Variants in TEKT5 observed in about 807,000 individuals in gnomAD.
TEKT5 encodes tektin 5, also known as tektin-5.
TEKT5 carries 52 observed loss-of-function variants against 48.7 expected under a neutral mutation model. That is an observed-to-expected ratio of 1.07 (90% CI 0.86 to 1.35). The LOEUF is 1.35. Among genes scored for constraint, TEKT5 ranks in the 40% most tolerant of loss-of-function variants. The pLI, the probability that TEKT5 is intolerant of heterozygous loss-of-function variation, is 0.00. For missense variants in TEKT5, 831 were observed against 641.6 expected (o/e 1.30, Z -3.19); for synonymous variants, 318 against 267.6 (o/e 1.19, Z -1.84).
chr16:10,639,976 T>G (rs980549625), intron 5 of TEKT5, among the ~76,000 whole-genome samples: 4 of 149,728 alleles, frequency 2.7e-5, no homozygotes, highest in Non-Finnish European at 5.9e-5. Context: ...TATGCATGCT[T>G]CTTCTTTCTT....
intron 5 of TEKT5, among the ~76,000 whole-genome samples, chr16:10,647,312 T>TAA (rs2072009451): frequency 6.7e-6 from 1 of 149,888 alleles, no homozygotes; most frequent in African/African-American, 2.5e-5. Flanking sequence ...TACAAAAAAT[T>TAA]TAAAAAAAAA....
At chr16:10,631,363 G>C (rs900264140) in intron 6 of TEKT5, among the ~76,000 whole-genome samples, 2 of 138,638 alleles carry the variant, frequency 1.4e-5, no homozygotes, top group African/African-American at 5.2e-5. Flanking sequence ...GGGGGCGGGG[G>C]AGGGTTGAAA....
chr16:10,639,885 T>C lies in TEKT5; in HGVS notation c.1087-3967A>G, dbSNP rs114906616. ...TGTCCCCTCTGCATCTGCATCCTAG[T>C]GCCTGCTCCCAGATCTGCCTTGGGA... On this transcript the variant is annotated intron_variant, in intron 5 of 6. Coordinates refer to ENST00000283025, the MANE Select transcript of TEKT5 (RefSeq NM_144674.2). 8.9e-3 allele frequency among the ~76,000 whole-genome samples: 1,353 copies of C among 152,274 alleles called. 21 individuals carry two copies. Among genetic ancestry groups the C allele is most frequent in the African/African-American group, 0.031 (1,303 of 41,542 alleles).
intron 5 of TEKT5, among the ~76,000 whole-genome samples, chr16:10,639,278 G>C (rs1897957824): frequency 6.7e-6 from 1 of 149,158 alleles, no homozygotes; most frequent in Admixed American, 6.6e-5. Flanking sequence ...CTGCACTCCA[G>C]CCTGGAGTCC....
intron 5 of TEKT5, among the ~76,000 whole-genome samples, chr16:10,646,520 T>C (rs910507636): frequency 6.6e-6 from 1 of 152,160 alleles, no homozygotes; most frequent in African/African-American, 2.4e-5. Flanking sequence ...CATTCACACA[T>C]CTTAATATGC....
intron 6 of TEKT5, among the ~76,000 whole-genome samples, chr16:10,633,958 C>G (rs566413272): frequency 3.9e-5 from 6 of 152,270 alleles, no homozygotes; most frequent in Admixed American, 3.3e-4. Context: ...GCTTGGGCAC[C>G]ACCCAACACT....
chr16:10,658,345 CATCT>C (rs1006602400), intron 5 of TEKT5, among the ~76,000 whole-genome samples: 1 of 152,210 alleles, frequency 6.6e-6, no homozygotes, highest in Non-Finnish European at 1.5e-5. Flanking sequence ...ACAACTTAAA[CATCT>C]ATCAACAGGA....
chr16:10,642,348 C>G (rs999853534), intron 5 of TEKT5, among the ~76,000 whole-genome samples: 20 of 152,168 alleles, frequency 1.3e-4, no homozygotes, highest in Non-Finnish European at 2.5e-4. Flanking sequence ...TACACCTGCT[C>G]TAATCACCCC....
intron 5 of TEKT5, among the ~76,000 whole-genome samples, chr16:10,649,374 G>A (rs538545776): frequency 6.6e-6 from 1 of 152,170 alleles, no homozygotes; most frequent in East Asian, 1.9e-4. Flanking sequence ...GCCTCCCAAA[G>A]TTCTGGGATT....
chr16:10,684,555 G>C (rs1214081258), intron 3 of TEKT5, among the ~76,000 whole-genome samples: 1 of 152,142 alleles, frequency 6.6e-6, no homozygotes, highest in African/African-American at 2.4e-5. Flanking sequence ...GGGGCCCTTG[G>C]GGTTTCCAAA....
At chr16:10,657,228 C>T (rs1190449687) in intron 5 of TEKT5, among the ~76,000 whole-genome samples, 4 of 151,092 alleles carry the variant, frequency 2.6e-5, no homozygotes, top group African/African-American at 4.9e-5. Context: ...CAGGTTCAAG[C>T]GATTCTCCTG....
chr16:10,689,799 C>A, intron 2 of TEKT5, 143 bp downstream of exon 2: 1 of 743,920 alleles, frequency 1.3e-6, no homozygotes, highest in Non-Finnish European at 2.2e-6. Context: ...CAAACTAGAC[C>A]TCCACCCATG....
chr16:10,655,944 T>C (rs1456175529), intron 5 of TEKT5, among the ~76,000 whole-genome samples: 1 of 152,246 alleles, frequency 6.6e-6, no homozygotes, highest in African/African-American at 2.4e-5. Flanking sequence ...GGGTCTTCTA[T>C]TACATGTGGC....
intron 6 of TEKT5, among the ~76,000 whole-genome samples, chr16:10,631,366 G>GGT (rs1897839521): frequency 1.4e-5 from 2 of 138,016 alleles, no homozygotes; most frequent in African/African-American, 2.7e-5. Flanking sequence ...GGCGGGGGAG[G>GGT]GTTGAAACAG....
At chr16:10,669,224 T>C (rs145298838) in intron 5 of TEKT5, among the ~76,000 whole-genome samples, 254 of 152,194 alleles carry the variant, frequency 1.7e-3, no homozygotes, top group African/African-American at 6.0e-3. Flanking sequence ...TCCTAGCACT[T>C]TGGGAGGCTG....
At chr16:10,632,078 TGGGAAG>T (rs1897848191) in intron 6 of TEKT5, among the ~76,000 whole-genome samples, 1 of 152,090 alleles carries the variant, frequency 6.6e-6, no homozygotes, top group Non-Finnish European at 1.5e-5. Flanking sequence ...AACTTCCCCA[TGGGAAG>T]CCTGGGCTAG....
chr16:10,642,497 G>A (rs1208784506), intron 5 of TEKT5, among the ~76,000 whole-genome samples: 1 of 151,800 alleles, frequency 6.6e-6, no homozygotes, highest in Non-Finnish European at 1.5e-5. Flanking sequence ...TCCTGCCCAC[G>A]TTTCTCCCCC....
chr16:10,688,445 G>T (rs578087909), intron 3 of TEKT5, among the ~76,000 whole-genome samples: 1 of 152,330 alleles, frequency 6.6e-6, no homozygotes, highest in South Asian at 2.1e-4. Context: ...CGCCCCCCCT[G>T]CATCCACGCC....
intron 3 of TEKT5, among the ~76,000 whole-genome samples, chr16:10,684,623 C>T (rs1191636355): frequency 1.3e-5 from 2 of 152,082 alleles, no homozygotes; most frequent in African/African-American, 4.8e-5. Context: ...GAATGTGAAG[C>T]GAGGCCAGGA....
Sources: gnomAD v4.1 joint callset for allele counts (sites outside exome capture counted in the v4.1 genomes callset) on GRCh38, gnomAD v4.1.1 for gene constraint, MANE v1.5 for transcripts, NCBI Gene and HGNC (gene_info 2026-07-23, HGNC 2026-07-21) for gene names.